PRPH2: variants seen among roughly 807,000 people sequenced by gnomAD.
PRPH2 encodes peripherin-2.
PRPH2 carries 17 observed loss-of-function variants against 31.3 expected under a neutral mutation model. The ratio of observed to expected loss-of-function variants is 0.54; its 90% CI spans 0.37 to 0.81. PRPH2 has a LOEUF of 0.81. PRPH2 is among the 40% of genes least tolerant of loss of function. The pLI is 0.00. For missense variants in PRPH2, 430 were observed against 439.7 expected, an observed-to-expected ratio of 0.98 and a Z score of 0.20; for synonymous variants, 165 against 184.4, an observed-to-expected ratio of 0.89 and a Z score of 0.85.
At position 42,698,256 on chromosome 6, in the gene PRPH2, T is replaced by C. The variant is rs1390643863; in HGVS notation, c.*39A>G. The C allele has an allele frequency of 1.9e-6, 3 of 1,611,454 alleles. No individual in the cohort carries two copies. Among genetic ancestry groups the C allele is most frequent in the African/African-American group, 1.3e-5 (1 of 74,760 alleles). On this transcript the variant is annotated 3_prime_UTR_variant, in exon 3 of 3. Coordinates refer to ENST00000230381, the MANE Select transcript of PRPH2 (RefSeq NM_000322.5). The stretch of plus-strand genomic sequence containing the variant: ...GAGATCCACGTTTCTTGGAGTGCAC[T>C]ATTTCTCAGTGTTCGGGAGGGGAGG...
Position 42,698,219 on chromosome 6 carries a change from T to C in PRPH2, c.*76A>G. 6 of 1,590,582 alleles carry C rather than the reference T, an allele frequency of 3.8e-6. No individual in the cohort carries two copies. Among genetic ancestry groups the C allele is most frequent in the Non-Finnish European group, 4.3e-6 (5 of 1,167,472 alleles). On this transcript the variant is annotated 3_prime_UTR_variant, in exon 3 of 3. Transcript: ENST00000230381. ...CCTTGGGAGATTCAGACTTTCGGAGTTGGATGAGGGGGAGATCCACGTTTC... is the reference window on the plus strand; with the variant it reads ...CCTTGGGAGATTCAGACTTTCGGAGCTGGATGAGGGGGAGATCCACGTTTC...
At chr6:42,708,140 G>A (rs1800203828) in intron 1 of PRPH2, among the ~76,000 whole-genome samples, 1 of 152,218 alleles carries the variant, frequency 6.6e-6, no homozygotes, top group Non-Finnish European at 1.5e-5. Flanking sequence ...GCTGACATCA[G>A]GTTGTAAGAA....
intron 1 of PRPH2, among the ~76,000 whole-genome samples, chr6:42,706,724 C>G (rs1177549175): frequency 6.6e-6 from 1 of 152,096 alleles, no homozygotes; most frequent in Non-Finnish European, 1.5e-5. Flanking sequence ...TTGAATTGGT[C>G]ACGAATCTCT....
rs533653895 is a variant in PRPH2, at chr6:42,711,199, T to C, written c.582-6588A>G. 5.3e-5 allele frequency among the ~76,000 whole-genome samples: 8 copies of C among 152,128 alleles called. No homozygotes were observed. The South Asian group carries it at 1.7e-3, about 32-fold the overall frequency. On this transcript the variant is annotated intron_variant, in intron 1 of 2. Coordinates refer to ENST00000230381, the MANE Select transcript of PRPH2 (RefSeq NM_000322.5). ...TAGATTAATGCCATTATCATGGGAG[T>C]GGGTTCCTGAGGAAAAGGATGAAAT... is the stretch of plus-strand genomic sequence containing the variant.
chr6:42,713,343 C>T (rs1371414917), intron 1 of PRPH2, among the ~76,000 whole-genome samples: 1 of 152,160 alleles, frequency 6.6e-6, no homozygotes. Context: ...AGAGCCTCCT[C>T]CAAGTGTAGC....
chr6:42,705,594 AAAAAAATATAT>A (rs1420162778), intron 1 of PRPH2, among the ~76,000 whole-genome samples: 1 of 10,310 alleles, frequency 9.7e-5, no homozygotes, highest in African/African-American at 4.7e-4. Context: ...AAAAAAAAAA[AAAAAAATATAT>A]ATATATATAT....
At position 42,722,352 on chromosome 6, in the gene PRPH2, C is replaced by T. The variant is rs752758993; in HGVS notation, c.-18G>A. ...AGCGCCATGCTTGCCAAGTGTAGTC[C>T]GGGTTGCTTCCCACAGCACAGCTCC... On this transcript the variant is annotated 5_prime_UTR_variant, in exon 1 of 3. Coordinates refer to ENST00000230381, the MANE Select transcript of PRPH2 (RefSeq NM_000322.5). This position sits in a 1 kb window ranked among gnomAD's most constrained non-coding sequence, Gnocchi z 4.4. The T allele has an allele frequency of 1.2e-5, 20 of 1,612,236 alleles. No homozygotes were observed. The highest frequency in any genetic ancestry group is 1.0e-4 in the Admixed American group (6 of 59,990).
chr6:42,709,219 A>G (rs1159753886), intron 1 of PRPH2, among the ~76,000 whole-genome samples: 1 of 151,498 alleles, frequency 6.6e-6, no homozygotes, highest in Non-Finnish European at 1.5e-5. Flanking sequence ...AATCCTAGCT[A>G]CTGGGGAGGC....
At chr6:42,719,167 C>CTTTTTTTTTT (rs10594241) in intron 1 of PRPH2, among the ~76,000 whole-genome samples, 2 of 144,910 alleles carry the variant, frequency 1.4e-5, no homozygotes, top group Non-Finnish European at 3.0e-5. Context: ...AGTGGACTTC[C>CTTTTTTTTTT]TTTTTTTTTT....
In PRPH2 at chr6:42,708,288, G is replaced by C. The variant is rs142036178; in HGVS notation, c.582-3677C>G. The stretch of plus-strand genomic sequence containing the variant: ...GCGGGCCACCCTCCATGGTGGGCCT[G>C]ACACGGAGCACCTGCCCGCTGGCAC... On this transcript the variant is annotated intron_variant, in intron 1 of 2. Transcript: ENST00000230381. 2.1e-3 allele frequency among the ~76,000 whole-genome samples: 314 copies of C among 152,352 alleles called. 1 individual carries two copies. The highest frequency in any genetic ancestry group is 7.4e-3 in the African/African-American group (308 of 41,594).
At chr6:42,708,786 T>C (rs749185255) in intron 1 of PRPH2, among the ~76,000 whole-genome samples, 9 of 152,340 alleles carry the variant, frequency 5.9e-5, no homozygotes, top group East Asian at 1.9e-4. Context: ...TTGGGAGCCA[T>C]GGAGCTTAAA....
chr6:42,704,554 G>A lies in PRPH2; in HGVS notation c.639C>T (p.Cys213=). 1 of 1,614,214 alleles carries A rather than the reference G, an allele frequency of 6.2e-7. No individual in the cohort carries two copies. The highest frequency in any genetic ancestry group is 8.5e-7 in the Non-Finnish European group (1 of 1,180,036). The change falls in exon 2 of 3, where the codon TGC becomes TGT. Residue 213 remains cysteine (C), a synonymous_variant. Coordinates refer to ENST00000230381, the MANE Select transcript of PRPH2 (RefSeq NM_000322.5). The part of the protein sequence containing the change: ...RYLVDGVPFS[C]CNPSSPRPCI... ...AGGGCCGTGGCGAGCTAGGATTGCA[G>A]CAGCTGAAAGGGACGCCGTCCACCA...
In PRPH2 at chr6:42,717,420, T is replaced by A. The variant is rs928439236; in HGVS notation, c.581+4334A>T. ...GGCAACAAATACAAAAAGAAAAGGA[T>A]CTTGGTGGATGATAACCTCCCTCTC... On this transcript the variant is annotated intron_variant, in intron 1 of 2. Transcript: ENST00000230381. Among the ~76,000 whole-genome samples the A allele has an allele frequency of 2.0e-5, 3 of 151,382 alleles. No individual in the cohort carries two copies. In the East Asian group the frequency reaches 5.9e-4, roughly 30 times the overall value.
intron 1 of PRPH2, among the ~76,000 whole-genome samples, chr6:42,719,084 TG>T (rs761885528): frequency 2.0e-4 from 31 of 152,064 alleles, no homozygotes; most frequent in Admixed American, 7.9e-4. Flanking sequence ...TGCTCAAAGA[TG>T]CCCATTCCAG....
At position 42,698,387 on chromosome 6, in the gene PRPH2, T is replaced by C; in HGVS notation, c.949A>G (p.Lys317Glu). 1 of 1,613,908 alleles carries C rather than the reference T, an allele frequency of 6.2e-7. No individual in the cohort carries two copies. Among genetic ancestry groups the C allele is most frequent in the Non-Finnish European group, 8.5e-7 (1 of 1,179,806 alleles). ...LLERSVPETW[K>E]AFLESVKKLG... ...TTCTTCACACTCTCCAGAAAGGCCT[T>C]CCAGGTCTCCGGCACGCTCCTCTCC... The change falls in exon 3 of 3, where the codon AAG becomes GAG. Residue 317 changes from lysine (K) to glutamate (E), a missense_variant. Transcript: ENST00000230381.
intron 2 of PRPH2, among the ~76,000 whole-genome samples, chr6:42,700,360 G>C (rs1029137060): frequency 1.3e-5 from 2 of 152,130 alleles, no homozygotes; most frequent in Non-Finnish European, 2.9e-5. Context: ...GTATGGCATA[G>C]CAAACTCTAC....
chr6:42,705,832 G>A (rs1474637214), intron 1 of PRPH2, among the ~76,000 whole-genome samples: 1 of 149,642 alleles, frequency 6.7e-6, no homozygotes, highest in African/African-American at 2.5e-5. Flanking sequence ...GGTGGCACGC[G>A]CCTGTAGTCC....
In PRPH2 at chr6:42,704,549, T is replaced by C; in HGVS notation, c.644A>G (p.Asn215Ser). ...LVDGVPFSCC[N>S]PSSPRPCIQY... ...GATGCAGGGCCGTGGCGAGCTAGGA[T>C]TGCAGCAGCTGAAAGGGACGCCGTC... Residue 215 changes from asparagine (N) to serine (S), a missense_variant, in exon 2 of 3, where the codon AAT becomes AGT. By Grantham distance (46) the Asn-to-Ser change is conservative. Coordinates refer to ENST00000230381, the MANE Select transcript of PRPH2 (RefSeq NM_000322.5). 1.9e-6 allele frequency: 3 copies of C among 1,614,114 alleles called. No homozygotes were observed. The highest frequency in any genetic ancestry group is 2.2e-5 in the East Asian group (1 of 44,874).
chr6:42,705,589 A>T (rs1332719002), intron 1 of PRPH2, among the ~76,000 whole-genome samples: 5 of 5,748 alleles, frequency 8.7e-4, no homozygotes, highest in Non-Finnish European at 1.1e-3. Flanking sequence ...AAAAAAAAAA[A>T]AAAAAAAAAA....
Sources: gnomAD v4.1 joint callset for allele counts (sites outside exome capture counted in the v4.1 genomes callset) on GRCh38, gnomAD v4.1.1 for gene constraint, Gnocchi (gnomAD v3.1) non-coding constraint, MANE v1.5 for transcripts, NCBI Gene and HGNC (gene_info 2026-07-23, HGNC 2026-07-21) for gene names.